PTPRM: variants seen among roughly 807,000 people sequenced by gnomAD.
PTPRM encodes protein tyrosine phosphatase receptor type M, also known as receptor-type tyrosine-protein phosphatase mu.
Under a neutral mutation model 186.7 loss-of-function variants are expected in PTPRM, and 47 were observed. The observed-to-expected ratio is 0.25, with a 90% CI of 0.20 to 0.32. PTPRM has a LOEUF of 0.32. PTPRM is among the 10% of genes least tolerant of loss of function. The pLI, the probability that PTPRM is intolerant of heterozygous loss-of-function variation, is 1.00. For synonymous variants in PTPRM, 668 were observed against 674.9 expected (o/e 0.99, Z 0.16); for missense variants, 1,494 against 1,865.0 (o/e 0.80, Z 3.66).
In PTPRM at chr18:8,376,848, A is replaced by G; in HGVS notation, c.3462+251A>G. On this transcript the variant is annotated intron_variant, in intron 26 of 32. Transcript: ENST00000580170. Reference sequence around the variant, plus strand: ...CCAAATTTGCACACTTTTCTGTATTAAGGGACCCAAAAAAGTCTCTGTTAA... The same window carrying G: ...CCAAATTTGCACACTTTTCTGTATTGAGGGACCCAAAAAAGTCTCTGTTAA... 4.7e-6 allele frequency: 2 copies of G among 421,946 alleles called. 1 individual carries two copies. The highest frequency in any genetic ancestry group is 7.4e-5 in the South Asian group (2 of 26,986). 26.1% of individuals were successfully genotyped at this position (421,946 alleles called of 1,614,324 possible).
intron 13 of PTPRM, among the ~76,000 whole-genome samples, chr18:8,125,682 G>A (rs1004606214): frequency 1.3e-5 from 2 of 151,824 alleles, no homozygotes; most frequent in African/African-American, 4.8e-5. Flanking sequence ...TGTCTGATTG[G>A]AATGAAGGTT....
chr18:8,259,285 C>A (rs538991169), intron 19 of PTPRM, among the ~76,000 whole-genome samples: 1 of 152,254 alleles, frequency 6.6e-6, no homozygotes, highest in Non-Finnish European at 1.5e-5. Context: ...CTCTCCTGGG[C>A]ACAAACACTG....
intron 7 of PTPRM, among the ~76,000 whole-genome samples, chr18:7,992,501 A>G (rs1250196742): frequency 2.6e-5 from 4 of 152,136 alleles, no homozygotes; most frequent in Non-Finnish European, 5.9e-5. Flanking sequence ...CTTTCTTGTC[A>G]TCATCATCAG....
intron 23 of PTPRM, among the ~76,000 whole-genome samples, chr18:8,368,119 C>T (rs1249945666): frequency 1.3e-5 from 2 of 151,224 alleles, no homozygotes; most frequent in African/African-American, 4.9e-5. Context: ...TTATATCTAT[C>T]CCACTACCTT....
chr18:7,852,684 CAAAAAT>C (rs1201962765), intron 2 of PTPRM, among the ~76,000 whole-genome samples: 1 of 149,978 alleles, frequency 6.7e-6, no homozygotes, highest in African/African-American at 2.5e-5. Context: ...GACTCCCTCT[CAAAAAT>C]AAAAAAAAGA....
chr18:7,758,833 G>T (rs2144722342), intron 1 of PTPRM, among the ~76,000 whole-genome samples: 1 of 152,248 alleles, frequency 6.6e-6, no homozygotes, highest in East Asian at 1.9e-4. Flanking sequence ...CCCAACCCCA[G>T]AATTTTTGAA....
At chr18:7,736,536 A>G (rs148550235) in intron 1 of PTPRM, among the ~76,000 whole-genome samples, 8,166 of 152,218 alleles carry the variant, frequency 0.054, 565 homozygotes, top group African/African-American at 0.15. Context: ...TGGGAGCATC[A>G]GGAAGCTACT....
Position 8,320,413 on chromosome 18 carries a change from A to G in PTPRM, c.2956+1199A>G, listed in dbSNP as rs544631869. On this transcript the variant is annotated intron_variant, in intron 22 of 32. Transcript: ENST00000580170. Reference sequence around the variant, plus strand: ...GTTGTAGCCAGAGAGCAGAATTCCAATGCTTGGATCTGCCTGTGCAGTAGA... The same window carrying G: ...GTTGTAGCCAGAGAGCAGAATTCCAGTGCTTGGATCTGCCTGTGCAGTAGA... Among the ~76,000 whole-genome samples the G allele has an allele frequency of 3.9e-5, 6 of 152,304 alleles. No individual in the cohort carries two copies. The South Asian group carries it at 1.2e-3, about 32-fold the overall frequency.
intron 7 of PTPRM, among the ~76,000 whole-genome samples, chr18:7,977,770 C>CT (rs377421788): frequency 3.1e-4 from 14 of 45,008 alleles, no homozygotes; most frequent in Non-Finnish European, 5.3e-4. Flanking sequence ...TTGCTTTGTG[C>CT]ATGCTTTGCT....
At chr18:8,111,225 G>C (rs980962550) in intron 11 of PTPRM, among the ~76,000 whole-genome samples, 4 of 152,098 alleles carry the variant, frequency 2.6e-5, no homozygotes, top group Non-Finnish European at 5.9e-5. Context: ...TCTAGTATAT[G>C]GATTTCCCAG....
chr18:8,085,728 G>A lies in PTPRM; in HGVS notation c.1609G>A (p.Gly537Arg). Reference protein sequence around the residue: ...DPEIDLSNQSGRVSKLGNETH... With the variant: ...DPEIDLSNQSRRVSKLGNETH... ...AGAAATAGATTTATCCAATCAGAGT[G>A]GAAGAGTTTCAAAGCTGGGAAATGA... Residue 537 changes from glycine to arginine, a missense_variant, in exon 10 of 33, where the codon GGA becomes AGA. Physicochemically the swap from Gly to Arg is moderately radical, Grantham distance 125. This residue lies in a region of PTPRM where 1,107 missense variants were observed against 1,350.2 expected (regional missense o/e 0.82). Coordinates refer to ENST00000580170, the MANE Select transcript of PTPRM (RefSeq NM_001105244.2). The A allele has an allele frequency of 6.2e-7, 1 of 1,611,488 alleles. No individual in the cohort carries two copies. The highest frequency in any genetic ancestry group is 1.3e-5 in the African/African-American group (1 of 74,940).
intron 1 of PTPRM, among the ~76,000 whole-genome samples, chr18:7,711,009 A>G (rs150970766): frequency 6.7e-4 from 102 of 152,294 alleles, no homozygotes; most frequent in African/African-American, 2.3e-3. Context: ...GTTCTCATCA[A>G]AATACTGATG....
intron 2 of PTPRM, among the ~76,000 whole-genome samples, chr18:7,819,453 G>A (rs1246399378): frequency 6.6e-6 from 1 of 152,210 alleles, no homozygotes; most frequent in Admixed American, 6.5e-5. Flanking sequence ...TCAACCAGTG[G>A]AATGACGCAG....
chr18:7,770,331 C>G (rs2042218170), intron 1 of PTPRM, among the ~76,000 whole-genome samples: 1 of 152,156 alleles, frequency 6.6e-6, no homozygotes, highest in Admixed American at 6.5e-5. Context: ...ATAGAGGAAC[C>G]TACAGGATGT....
At chr18:7,784,098 T>A (rs923875015) in intron 2 of PTPRM, among the ~76,000 whole-genome samples, 1 of 152,100 alleles carries the variant, frequency 6.6e-6, no homozygotes, top group Non-Finnish European at 1.5e-5. Flanking sequence ...ATTCTCCTTC[T>A]GCCTGTGGGG....
At chr18:7,697,664 T>G (rs764908056) in intron 1 of PTPRM, among the ~76,000 whole-genome samples, 1 of 152,178 alleles carries the variant, frequency 6.6e-6, no homozygotes, top group Admixed American at 6.5e-5. Context: ...TTTCAATCCT[T>G]ATGAGTAATA....
chr18:7,679,508 TAAAG>T (rs753611380), intron 1 of PTPRM, among the ~76,000 whole-genome samples: 7 of 151,960 alleles, frequency 4.6e-5, no homozygotes, highest in African/African-American at 1.2e-4. Flanking sequence ...TTACTAAAGA[TAAAG>T]AAATTAGCTG....
At chr18:7,789,008 T>C (rs2043214751) in intron 2 of PTPRM, among the ~76,000 whole-genome samples, 1 of 152,176 alleles carries the variant, frequency 6.6e-6, no homozygotes, top group Admixed American at 6.5e-5. Context: ...GGAATAGCTG[T>C]TATTGTATCC....
At chr18:7,884,730 C>T (rs998588303) in intron 2 of PTPRM, among the ~76,000 whole-genome samples, 8 of 151,876 alleles carry the variant, frequency 5.3e-5, no homozygotes, top group Admixed American at 5.2e-4. Context: ...CAAGACCAGC[C>T]TGACCAACAT....
Sources: gnomAD v4.1 joint callset for allele counts (sites outside exome capture counted in the v4.1 genomes callset) on GRCh38, gnomAD v4.1.1 for gene constraint, gnomAD v4.1.1 regional missense constraint, MANE v1.5 for transcripts, NCBI Gene and HGNC (gene_info 2026-07-23, HGNC 2026-07-21) for gene names.